Variants in DMD observed in about 807,000 individuals in gnomAD.
DMD encodes the protein dystrophin.
A neutral mutation model predicts 330.1 loss-of-function variants in DMD; 63 were observed. The ratio of observed to expected loss-of-function variants is 0.19; its 90% CI spans 0.16 to 0.24. The LOEUF (loss-of-function observed/expected upper bound fraction) is 0.24, where lower values mean the gene tolerates loss of function less well. Ranked by LOEUF, DMD falls within the 10% of genes least tolerant of loss-of-function variation. The probability of loss-of-function intolerance (pLI) is 1.00; values close to 1 mark genes in which losing one functional copy is unlikely to be tolerated. For missense variants in DMD, 3,344 were observed against 2,684.1 expected (o/e 1.25, Z -5.43); for synonymous variants, 1,223 against 959.8 (o/e 1.27, Z -5.07).
chrX:31,342,186 G>C (rs1379598303), intron 61 of DMD, among the ~76,000 whole-genome samples: 1 of 111,545 alleles, frequency 9.0e-6, no homozygotes, highest in Non-Finnish European at 1.9e-5. Context: ...GGTGGGAGTG[G>C]GGCTGGGAAC....
chrX:32,669,475 A>T (rs1770615096), intron 9 of DMD, among the ~76,000 whole-genome samples: 1 of 111,971 alleles, frequency 8.9e-6, no homozygotes, highest in Admixed American at 9.5e-5. Flanking sequence ...ATCGATCAAC[A>T]AAACAATCAA....
At chrX:32,142,870 C>G (rs1242327708) in intron 44 of DMD, among the ~76,000 whole-genome samples, 1 of 111,847 alleles carries the variant, frequency 8.9e-6, no homozygotes, top group East Asian at 2.8e-4. Context: ...AATTACTGTC[C>G]ATGGGATCTA....
chrX:32,573,795 C>A lies in DMD; in HGVS notation c.1654G>T (p.Val552Phe), dbSNP rs748690103. Reference sequence around the variant, plus strand: ...TTGAGAAGGATGTCTTGTAAAAGAACCCAGCGGTCTTCTGTCCATCTACAG... The same window carrying A: ...TTGAGAAGGATGTCTTGTAAAAGAAACCAGCGGTCTTCTGTCCATCTACAG... The part of the protein sequence containing the change: ...NICRWTEDRW[V>F]LLQDILLKWQ... The change falls in exon 14 of 79, where the codon GTT becomes TTT. Residue 552 changes from valine (V) to phenylalanine (F), a missense_variant. Transcript: ENST00000357033. 2 of 1,211,594 alleles carry A rather than the reference C, an allele frequency of 1.7e-6. No homozygotes were observed. The highest frequency in any genetic ancestry group is 3.5e-5 in the African/African-American group (2 of 57,850).
intron 44 of DMD, among the ~76,000 whole-genome samples, chrX:31,988,269 G>A (rs755120732): frequency 1.2e-4 from 13 of 109,345 alleles, no homozygotes; most frequent in African/African-American, 1.7e-4. Flanking sequence ...TCAGGAGATC[G>A]AGAACAACCT....
chrX:31,149,323 C>A (rs1459556595), intron 74 of DMD, among the ~76,000 whole-genome samples: 4 of 112,187 alleles, frequency 3.6e-5, no homozygotes, highest in Non-Finnish European at 7.5e-5. Context: ...GTGGTTCTAT[C>A]TGCATATCCC....
chrX:32,930,391 T>A (rs2089479128), intron 2 of DMD, among the ~76,000 whole-genome samples: 1 of 110,128 alleles, frequency 9.1e-6, no homozygotes, highest in Admixed American at 9.8e-5. Context: ...TACGGTATTA[T>A]TATTATTATT....
chrX:31,350,008 G>C (rs968087121), intron 60 of DMD, among the ~76,000 whole-genome samples: 4 of 111,327 alleles, frequency 3.6e-5, no homozygotes, highest in African/African-American at 1.3e-4. Context: ...TCTCTCCCTA[G>C]ACTTGCCCAT....
chrX:32,028,795 T>C (rs1437638673), intron 44 of DMD, among the ~76,000 whole-genome samples: 1 of 111,155 alleles, frequency 9.0e-6, no homozygotes, highest in African/African-American at 3.3e-5. Flanking sequence ...AAGCAAGTGA[T>C]GGAAGTCTCT....
chrX:32,620,338 TA>T (rs1353473972), intron 11 of DMD, among the ~76,000 whole-genome samples: 1 of 111,663 alleles, frequency 9.0e-6, no homozygotes, highest in Non-Finnish European at 1.9e-5. Context: ...AAATAAAATA[TA>T]AAAGATAATG....
In DMD at chrX:31,169,549, A is replaced by T. The variant is rs1665626217; in HGVS notation, c.10447T>A (p.Ser3483Thr). Reference sequence around the variant, plus strand: ...GGACTACGAGGCTGGCTCAGGGGGGAGTCCTGGTTCAAACTTTGGCAGTAA... The same window carrying T: ...GGACTACGAGGCTGGCTCAGGGGGGTGTCCTGGTTCAAACTTTGGCAGTAA... ...QHYCQSLNQDSPLSQPRSPAQ... is the reference protein window; with the variant it reads ...QHYCQSLNQDTPLSQPRSPAQ... The change falls in exon 74 of 79, where the codon TCC becomes ACC. Residue 3483 changes from serine to threonine, a missense_variant. Transcript: ENST00000357033. The T allele has an allele frequency of 8.3e-7, 1 of 1,205,245 alleles. No individual in the cohort carries two copies. The highest frequency in any genetic ancestry group is 1.1e-6 in the Non-Finnish European group (1 of 891,109).
At chrX:32,648,900 TG>T (rs2059948750) in intron 9 of DMD, among the ~76,000 whole-genome samples, 2 of 111,592 alleles carry the variant, frequency 1.8e-5, no homozygotes, top group Non-Finnish European at 1.9e-5. Flanking sequence ...CTAGGAAAGT[TG>T]GTTTTTGTTC....
chrX:32,556,574 T>C (rs760546607), intron 16 of DMD, among the ~76,000 whole-genome samples: 26 of 111,633 alleles, frequency 2.3e-4, no homozygotes, highest in Non-Finnish European at 3.6e-4. Context: ...TCATCAATGA[T>C]AGACAAGATA....
intron 47 of DMD, among the ~76,000 whole-genome samples, chrX:31,899,649 C>A (rs923491970): frequency 9.0e-6 from 1 of 110,681 alleles, no homozygotes. Flanking sequence ...TAAAATAGGA[C>A]GATATACATT....
At chrX:33,077,655 T>C (rs1444754049) in intron 1 of DMD, among the ~76,000 whole-genome samples, 3 of 111,638 alleles carry the variant, frequency 2.7e-5, no homozygotes, top group Non-Finnish European at 5.6e-5. Flanking sequence ...ATCTATAGTT[T>C]TACTACAGTG....
chrX:31,954,038 T>G, intron 45 of DMD, among the ~76,000 whole-genome samples: 1 of 110,815 alleles, frequency 9.0e-6, no homozygotes, highest in Non-Finnish European at 1.9e-5. Flanking sequence ...ACAAGCTGTT[T>G]TTGTCATGGA....
At position 31,236,897 on chromosome X, in the gene DMD, G is replaced by A. The variant is rs962126486; in HGVS notation, c.9287-13776C>T. Reference sequence around the variant, plus strand: ...TCATATGTTTTGACAGTCAAATTAAGATTCTTCTCTACCCTTTATCTAACA... The same window carrying A: ...TCATATGTTTTGACAGTCAAATTAAAATTCTTCTCTACCCTTTATCTAACA... On this transcript the variant is annotated intron_variant, in intron 63 of 78. Coordinates refer to ENST00000357033, the MANE Select transcript of DMD (RefSeq NM_004006.3). Among the ~76,000 whole-genome samples the A allele has an allele frequency of 4.5e-5, 5 of 111,740 alleles. No individual in the cohort carries two copies. The Admixed American group carries it at 4.7e-4, about 11-fold the overall frequency.
rs1325194091 is a variant in DMD at position 31,228,277 on chromosome X, A to G, written c.9287-5156T>C. ...ATAATAAAAAAAAAATAAAAAAATA[A>G]AAAAAAAAAAAAAAGAAAGTAGCAG... On this transcript the variant is annotated intron_variant, in intron 63 of 78. Coordinates refer to ENST00000357033, the MANE Select transcript of DMD (RefSeq NM_004006.3). Among the ~76,000 whole-genome samples the G allele has an allele frequency of 4.1e-3, 127 of 30,622 alleles. No homozygotes were observed. In the African/African-American group the frequency reaches 0.048, roughly 12 times the overall value. 26.6% of individuals were successfully genotyped at this position (30,622 alleles called of 115,157 possible).
chrX:32,683,099 C>T (rs1167452441), intron 9 of DMD, among the ~76,000 whole-genome samples: 1 of 111,839 alleles, frequency 8.9e-6, no homozygotes, highest in Admixed American at 9.5e-5. Flanking sequence ...CACATTCTAA[C>T]AGCAGTCTTT....
intron 7 of DMD, among the ~76,000 whole-genome samples, chrX:32,808,998 A>C (rs2077150420): frequency 8.9e-6 from 1 of 112,280 alleles, no homozygotes; most frequent in African/African-American, 3.2e-5. Flanking sequence ...GAAAATGAGT[A>C]ACCATCCAAC....
Sources: gnomAD v4.1 joint callset for allele counts (sites outside exome capture counted in the v4.1 genomes callset) on GRCh38, gnomAD v4.1.1 for gene constraint, MANE v1.5 for transcripts, NCBI Gene and HGNC (gene_info 2026-07-23, HGNC 2026-07-21) for gene names.